The following MAP4K3 variants were observed in gnomAD, a reference collection of about 807,000 sequenced individuals.
MAP4K3 encodes mitogen-activated protein kinase kinase kinase kinase 3, also known as MAPK/ERK kinase kinase kinase 3.
Under a neutral mutation model 143.5 loss-of-function variants are expected in MAP4K3, and 94 were observed. The observed-to-expected ratio is 0.65, with a 90% CI of 0.55 to 0.78. The LOEUF (loss-of-function observed/expected upper bound fraction) is 0.78, where lower values mean the gene tolerates loss of function less well. Ranked by LOEUF, MAP4K3 falls within the 30% of genes least tolerant of loss-of-function variation. The pLI, the probability that MAP4K3 is intolerant of heterozygous loss-of-function variation, is 0.00. For synonymous variants in MAP4K3, 416 were observed against 347.2 expected (o/e 1.20, Z -2.20); for missense variants, 1,077 against 1,068.1 (o/e 1.01, Z -0.12).
chr2:39,335,713 G>A (rs895081760), intron 6 of MAP4K3, among the ~76,000 whole-genome samples: 4 of 152,064 alleles, frequency 2.6e-5, no homozygotes, highest in Non-Finnish European at 5.9e-5. Context: ...ATCTTCCTGT[G>A]AGCTCTTCTA....
intron 1 of MAP4K3, among the ~76,000 whole-genome samples, chr2:39,396,719 C>T (rs11677611): frequency 0.74 from 113,151 of 152,088 alleles, 42,896 homozygotes; most frequent in Non-Finnish European, 0.82. Context: ...GTGATCCGCC[C>T]GCCTCGGCCT....
rs543603448 is a variant in MAP4K3 at position 39,370,333 on chromosome 2, C to T, written c.154+7733G>A. On this transcript the variant is annotated intron_variant, in intron 2 of 33. Transcript: ENST00000263881. Reference sequence around the variant, plus strand: ...GTAACAACTACTCTATTCATGATGGCGATAAACACAAGGCAGCACTGAATA... The same window carrying T: ...GTAACAACTACTCTATTCATGATGGTGATAAACACAAGGCAGCACTGAATA... Among the ~76,000 whole-genome samples the T allele has an allele frequency of 9.2e-5, 14 of 152,180 alleles. No homozygotes were observed. In the East Asian group the frequency reaches 2.5e-3, roughly 27 times the overall value.
At chr2:39,321,693 T>C (rs1683310150) in intron 12 of MAP4K3, among the ~76,000 whole-genome samples, 1 of 152,220 alleles carries the variant, frequency 6.6e-6, no homozygotes, top group Non-Finnish European at 1.5e-5. Context: ...TGTCTCAGTA[T>C]AAAACCCGAT....
At chr2:39,410,097 A>C (rs1302136136) in intron 1 of MAP4K3, among the ~76,000 whole-genome samples, 3 of 152,196 alleles carry the variant, frequency 2.0e-5, no homozygotes, top group African/African-American at 7.2e-5. Context: ...CGAAGAAGTA[A>C]CTTTGGTTAA....
chr2:39,321,198 G>C (rs1683288464), intron 12 of MAP4K3, among the ~76,000 whole-genome samples: 1 of 152,162 alleles, frequency 6.6e-6, no homozygotes, highest in East Asian at 1.9e-4. Context: ...TACTGTGTCT[G>C]TGTAGAAAGA....
chr2:39,371,028 T>C (rs78846264), intron 2 of MAP4K3, among the ~76,000 whole-genome samples: 2,519 of 152,194 alleles, frequency 0.017, 73 homozygotes, highest in African/African-American at 0.056. Flanking sequence ...AATTTTTTTT[T>C]CCCAAATAAG....
intron 2 of MAP4K3, among the ~76,000 whole-genome samples, chr2:39,364,666 G>A (rs1446088389): frequency 2.0e-5 from 3 of 152,202 alleles, no homozygotes; most frequent in African/African-American, 7.2e-5. Context: ...CCAGGAGTAC[G>A]AGACCAGCCT....
chr2:39,311,005 A>G (rs1227028413), intron 13 of MAP4K3, among the ~76,000 whole-genome samples: 2 of 152,232 alleles, frequency 1.3e-5, no homozygotes, highest in Non-Finnish European at 2.9e-5. Flanking sequence ...ATGATTAACA[A>G]AATTATATGT....
chr2:39,289,420 T>C (rs147158987), intron 19 of MAP4K3, among the ~76,000 whole-genome samples: 1 of 152,292 alleles, frequency 6.6e-6, no homozygotes, highest in Non-Finnish European at 1.5e-5. Flanking sequence ...GCAACTCATA[T>C]TATAATTAAA....
intron 18 of MAP4K3, among the ~76,000 whole-genome samples, chr2:39,291,961 CTT>C (rs1682064630): frequency 6.6e-6 from 1 of 151,850 alleles, no homozygotes; most frequent in African/African-American, 2.4e-5. Flanking sequence ...GTTTATGTAA[CTT>C]TACCCAAGAT....
At chr2:39,266,653 G>C (rs187690809) in intron 27 of MAP4K3, among the ~76,000 whole-genome samples, 45 of 152,088 alleles carry the variant, frequency 3.0e-4, no homozygotes, top group African/African-American at 9.9e-4. Flanking sequence ...CTATACTTGT[G>C]GTATAATGAC....
chr2:39,308,098 C>A, intron 14 of MAP4K3, 93 bp from the exon 15 acceptor site: 2 of 820,958 alleles, frequency 2.4e-6, no homozygotes, highest in East Asian at 2.7e-5. Context: ...GAAGTAAGTC[C>A]TGCTAATATA....
intron 15 of MAP4K3, among the ~76,000 whole-genome samples, chr2:39,305,016 T>C (rs920373667): frequency 6.6e-6 from 1 of 152,162 alleles, no homozygotes; most frequent in Non-Finnish European, 1.5e-5. Context: ...GTCAAATTCA[T>C]AGTCAGAAAA....
At chr2:39,341,702 G>C (rs1386426184) in intron 4 of MAP4K3, among the ~76,000 whole-genome samples, 1 of 150,580 alleles carries the variant, frequency 6.6e-6, no homozygotes, top group Non-Finnish European at 1.5e-5. Context: ...CAATTAGTAA[G>C]GAAATCAATA....
intron 24 of MAP4K3, among the ~76,000 whole-genome samples, chr2:39,273,721 T>C (rs1357483947): frequency 1.3e-5 from 2 of 152,232 alleles, no homozygotes; most frequent in Non-Finnish European, 2.9e-5. Flanking sequence ...AAATAACCAA[T>C]TTCTCCAAAC....
intron 26 of MAP4K3, among the ~76,000 whole-genome samples, chr2:39,271,644 T>G (rs1392821594): frequency 6.6e-6 from 1 of 152,144 alleles, no homozygotes; most frequent in African/African-American, 2.4e-5. Context: ...CAGGCTGGAG[T>G]GTAGTGGCAT....
At chr2:39,292,039 A>T (rs1389006683) in intron 18 of MAP4K3, among the ~76,000 whole-genome samples, 17 of 139,138 alleles carry the variant, frequency 1.2e-4, no homozygotes, top group Admixed American at 1.1e-3. Flanking sequence ...CATCTTTATT[A>T]AAAAAAAAAA....
chr2:39,384,255 G>C (rs1263938804), intron 1 of MAP4K3, among the ~76,000 whole-genome samples: 2 of 152,074 alleles, frequency 1.3e-5, no homozygotes, highest in Non-Finnish European at 2.9e-5. Context: ...GGCCGGGCAT[G>C]GTGGCTCAAG....
intron 13 of MAP4K3, among the ~76,000 whole-genome samples, chr2:39,314,491 T>C (rs1033920452): frequency 3.8e-4 from 58 of 152,190 alleles, no homozygotes; most frequent in African/African-American, 1.4e-3. Context: ...CAGCAGGAGC[T>C]TTAAAGATAA....
Sources: allele counts gnomAD v4.1 joint callset (sites outside exome capture counted in the v4.1 genomes callset), GRCh38; gene constraint gnomAD v4.1.1; transcripts MANE v1.5; gene names NCBI Gene and HGNC (gene_info 2026-07-23, HGNC 2026-07-21).